Variants in BARD1 observed in about 807,000 individuals in gnomAD.
BARD1 encodes the protein BRCA1 associated RING domain 1.
BARD1 carries 73 observed loss-of-function variants against 77.0 expected under a neutral mutation model. That is an observed-to-expected ratio of 0.95 (90% CI 0.79 to 1.15). The LOEUF is 1.15. Among genes scored for constraint, BARD1 ranks in the 50% most tolerant of loss-of-function variants. The probability of loss-of-function intolerance (pLI) is 0.00; values close to 1 mark genes in which losing one functional copy is unlikely to be tolerated. For missense variants in BARD1, 993 were observed against 938.8 expected, an observed-to-expected ratio of 1.06 and a Z score of -0.75; for synonymous variants, 384 against 338.0, an observed-to-expected ratio of 1.14 and a Z score of -1.49.
At chr2:214,798,301 C>T (rs190927634) in intron 1 of BARD1, among the ~76,000 whole-genome samples, 28 of 152,202 alleles carry the variant, frequency 1.8e-4, no homozygotes, top group Non-Finnish European at 2.8e-4. Context: ...TTTTTAAAAA[C>T]TCACCATGTC....
At chr2:214,806,309 G>T (rs945869145) in intron 1 of BARD1, among the ~76,000 whole-genome samples, 13 of 152,168 alleles carry the variant, frequency 8.5e-5, no homozygotes, top group African/African-American at 3.1e-4. Flanking sequence ...AGCCCACTGG[G>T]TAGAACTCTG....
rs1184470489 is a variant in BARD1 at position 214,745,582 on chromosome 2, T to A, written c.1810+140A>T. On this transcript the variant is annotated intron_variant, in intron 8 of 10. Transcript: ENST00000260947. ...TAAGTAGTTTATTACTGAAAAAAAA[T>A]TTAGATGTATTACAAGATGCAAAGT... 47 of 1,054,160 alleles carry A rather than the reference T, an allele frequency of 4.5e-5. 2 individuals are homozygous for A. Among genetic ancestry groups the A allele is most frequent in the East Asian group, 3.5e-4 (14 of 40,372 alleles). The allele number at this position is 1,054,160 out of a possible 1,614,324, so 65.3% of individuals were successfully genotyped here.
At chr2:214,751,099 GTGTGTGTGTGTGTGTGTGTATATA>G (rs1213017980) in intron 7 of BARD1, among the ~76,000 whole-genome samples, 1 of 7,956 alleles carries the variant, frequency 1.3e-4, no homozygotes, top group African/African-American at 3.0e-4. Context: ...GTGTGTGTGT[GTGTGTGTGTGTGTGTGTGTATATA>G]TATATATATA....
At chr2:214,787,664 T>C (rs1370900747) in intron 3 of BARD1, among the ~76,000 whole-genome samples, 1 of 151,940 alleles carries the variant, frequency 6.6e-6, no homozygotes, top group African/African-American at 2.4e-5. Flanking sequence ...AGAATTCCAT[T>C]CTCTGAATTT....
intron 9 of BARD1, among the ~76,000 whole-genome samples, chr2:214,733,697 A>G (rs550604956): frequency 8.5e-5 from 13 of 152,168 alleles, no homozygotes; most frequent in African/African-American, 3.1e-4. Context: ...ATGAAATTTT[A>G]TTGCTTTATT....
intron 9 of BARD1, among the ~76,000 whole-genome samples, chr2:214,738,470 T>A (rs894849361): frequency 2.0e-4 from 30 of 152,174 alleles, no homozygotes; most frequent in African/African-American, 5.8e-4. Context: ...AAACTTGTAC[T>A]GTACAGAAGG....
At chr2:214,756,559 C>T (rs1287863625) in intron 6 of BARD1, among the ~76,000 whole-genome samples, 3 of 152,112 alleles carry the variant, frequency 2.0e-5, no homozygotes, top group Non-Finnish European at 4.4e-5. Context: ...TTTGCAACTG[C>T]AAAAATGTGG....
rs864622223 is a variant in BARD1 at position 214,781,245 on chromosome 2, GTT to G, written c.627_628del (p.Lys209AsnfsTer4). The G allele has an allele frequency of 3.8e-6, 6 of 1,595,176 alleles. No individual in the cohort carries two copies. Among genetic ancestry groups the G allele is most frequent in the Non-Finnish European group, 5.1e-6 (6 of 1,175,404 alleles). ...CCATTTTTGGTTGATTTCAGCTAAA[GTT>G]TTCTTTTTTTGCTTTTTTCCAGATC... On this transcript the variant is annotated frameshift_variant, in exon 4 of 11. Coordinates refer to ENST00000260947, the MANE Select transcript of BARD1 (RefSeq NM_000465.4). LOFTEE classifies it high-confidence loss of function.
At chr2:214,794,397 CA>C (rs1695665364) in intron 2 of BARD1, among the ~76,000 whole-genome samples, 1 of 152,102 alleles carries the variant, frequency 6.6e-6, no homozygotes, top group African/African-American at 2.4e-5. Context: ...TTTCTTCAAT[CA>C]AAAAAGTATC....
At chr2:214,802,462 G>T (rs957044851) in intron 1 of BARD1, among the ~76,000 whole-genome samples, 2 of 152,136 alleles carry the variant, frequency 1.3e-5, no homozygotes, top group African/African-American at 2.4e-5. Flanking sequence ...GGTTGATCCA[G>T]ACATAACCCC....
chr2:214,797,155 T>C (rs998291144), intron 1 of BARD1, 38 bp from the exon 2 acceptor site: 8 of 1,536,922 alleles, frequency 5.2e-6, no homozygotes, highest in South Asian at 3.4e-5. Context: ...ATTTGAGTCA[T>C]TGTTAGATAA....
At chr2:214,771,918 T>G (rs1694511246) in intron 4 of BARD1, among the ~76,000 whole-genome samples, 1 of 113,456 alleles carries the variant, frequency 8.8e-6, no homozygotes, top group Non-Finnish European at 1.8e-5. Context: ...ATTACCCCAG[T>G]TTCAGGAAAA....
intron 2 of BARD1, among the ~76,000 whole-genome samples, chr2:214,792,755 A>G (rs1695587182): frequency 6.6e-6 from 1 of 152,200 alleles, no homozygotes; most frequent in South Asian, 2.1e-4. Flanking sequence ...CCTAATGCAT[A>G]GTAGTCGTGC....
chr2:214,733,551 C>T (rs2105996423), intron 9 of BARD1, among the ~76,000 whole-genome samples: 1 of 152,258 alleles, frequency 6.6e-6, no homozygotes, highest in Middle Eastern at 3.4e-3. Flanking sequence ...GTGTTAAACA[C>T]CTATCATGTA....
Position 214,797,064 on chromosome 2 carries a change from CA to C in BARD1, c.211del (p.Cys71ValfsTer5). ...ACATCAAACCGTAATTACTTACCTA[CA>C]GAAGATGTGCTCACATCCTCCTAAA... ...VCLGGCEHIFCSNCVSDCIGT... is the reference protein window; with the variant it reads ...VCLGGCEHIFXSNCVSDCIGT... On this transcript the variant is annotated frameshift_variant, in exon 2 of 11. Coordinates refer to ENST00000260947, the MANE Select transcript of BARD1 (RefSeq NM_000465.4). LOFTEE classifies it high-confidence loss of function. 6.2e-7 allele frequency: 1 copy of C among 1,610,812 alleles called. No individual in the cohort carries two copies. Among genetic ancestry groups the C allele is most frequent in the Non-Finnish European group, 8.5e-7 (1 of 1,177,158 alleles).
At chr2:214,775,795 GAC>G (rs1272208220) in intron 4 of BARD1, among the ~76,000 whole-genome samples, 1 of 152,210 alleles carries the variant, frequency 6.6e-6, no homozygotes, top group Non-Finnish European at 1.5e-5. Flanking sequence ...TGTGGTGAGT[GAC>G]AGAGGAGAAA....
chr2:214,742,269 G>A (rs191444893), intron 9 of BARD1, among the ~76,000 whole-genome samples: 96 of 152,252 alleles, frequency 6.3e-4, no homozygotes, highest in African/African-American at 1.6e-3. Flanking sequence ...ATGTGCACCC[G>A]TAGTACCAGC....
intron 6 of BARD1, among the ~76,000 whole-genome samples, chr2:214,758,312 G>C (rs548774872): frequency 6.6e-6 from 1 of 152,258 alleles, no homozygotes; most frequent in South Asian, 2.1e-4. Context: ...ATTGTTGCCA[G>C]AATCAAATGA....
At chr2:214,756,470 A>T (rs908292154) in intron 6 of BARD1, among the ~76,000 whole-genome samples, 1 of 152,214 alleles carries the variant, frequency 6.6e-6, no homozygotes, top group Non-Finnish European at 1.5e-5. Context: ...CAGCAATCCC[A>T]CTACTGGGTG....
Sources: gnomAD v4.1 joint callset for allele counts (sites outside exome capture counted in the v4.1 genomes callset) on GRCh38, gnomAD v4.1.1 for gene constraint, MANE v1.5 for transcripts, NCBI Gene and HGNC (gene_info 2026-07-23, HGNC 2026-07-21) for gene names.